SLC9B1: variants seen among roughly 807,000 people sequenced by gnomAD.
SLC9B1 encodes solute carrier family 9 member B1.
In SLC9B1, 32 loss-of-function variants were observed where a neutral mutation model predicts 51.7. That is an observed-to-expected ratio of 0.62 (90% CI 0.47 to 0.83). The LOEUF is 0.83. Among genes scored for constraint, SLC9B1 ranks in the 40% least tolerant of loss-of-function variants. The probability of loss-of-function intolerance (pLI) is 0.00; values close to 1 mark genes in which losing one functional copy is unlikely to be tolerated. For missense variants in SLC9B1, 406 were observed against 613.2 expected (o/e 0.66, Z 3.57); for synonymous variants, 145 against 212.7 (o/e 0.68, Z 2.77).
chr4:102,981,051 C>T (rs1739327972), intron 3 of SLC9B1, among the ~76,000 whole-genome samples: 1 of 152,092 alleles, frequency 6.6e-6, no homozygotes, highest in African/African-American at 2.4e-5. Flanking sequence ...TTACTGTGTC[C>T]ATAGTTTTGC....
At chr4:102,951,499 A>G (rs1360701038) in intron 3 of SLC9B1, among the ~76,000 whole-genome samples, 1 of 152,136 alleles carries the variant, frequency 6.6e-6, no homozygotes, top group Non-Finnish European at 1.5e-5. Context: ...AATTTTTAAA[A>G]ATTGGAGACA....
chr4:102,907,676 T>C (rs1286785606), intron 9 of SLC9B1, among the ~76,000 whole-genome samples: 2 of 151,874 alleles, frequency 1.3e-5, no homozygotes, highest in Non-Finnish European at 1.5e-5. Flanking sequence ...AGTCTGGGTT[T>C]AACATTTTTT....
intron 1 of SLC9B1, among the ~76,000 whole-genome samples, chr4:102,993,100 C>A (rs772974526): frequency 6.6e-6 from 1 of 152,128 alleles, no homozygotes; most frequent in Non-Finnish European, 1.5e-5. Flanking sequence ...CGGCCCCTCC[C>A]AAATCTCATG....
Position 102,991,749 on chromosome 4 carries a change from CAA to C in SLC9B1, c.-1-39_-1-38del, listed in dbSNP as rs985525132. On this transcript the variant is annotated intron_variant, in intron 1 of 11. Transcript: ENST00000296422. Reference sequence around the variant, plus strand: ...AAGAAAAATACTTTAAAAGAAGAAACAAGACTATAAATCCATATGAAAACAAA... The same window carrying C: ...AAGAAAAATACTTTAAAAGAAGAAACGACTATAAATCCATATGAAAACAAA... The C allele has an allele frequency of 7.1e-6, 10 of 1,402,278 alleles. No homozygotes were observed. In the African/African-American group the frequency reaches 1.5e-4, roughly 20 times the overall value. 86.9% of individuals were successfully genotyped at this position (1,402,278 alleles called of 1,614,324 possible). A position where few individuals can be genotyped will look rare whatever the true frequency, so the allele number is the denominator to read the frequency against.
intron 1 of SLC9B1, among the ~76,000 whole-genome samples, chr4:103,006,124 T>C (rs1318470625): frequency 2.6e-5 from 4 of 151,900 alleles, no homozygotes; most frequent in African/African-American, 4.8e-5. Context: ...AATTGGGACA[T>C]GACAAGCAAT....
chr4:103,012,004 C>T lies in SLC9B1; in HGVS notation c.-2+7595G>A, dbSNP rs537433397. ...TACTAATCTGCTTATCAAACATGCA[C>T]TTGGCCATATTCTTGGTATTCTCTC... On this transcript the variant is annotated intron_variant, in intron 1 of 11. Transcript: ENST00000296422. 2.0e-5 allele frequency among the ~76,000 whole-genome samples: 3 copies of T among 152,358 alleles called. No individual in the cohort carries two copies. In the East Asian group the frequency reaches 5.8e-4, roughly 29 times the overall value.
Position 102,905,259 on chromosome 4 carries a change from C to T in SLC9B1, c.1332+255G>A, listed in dbSNP as rs112190299. Among the ~76,000 whole-genome samples, 475 of 103,568 alleles carry T rather than the reference C, an allele frequency of 4.6e-3. 5 individuals carry two copies. Among genetic ancestry groups the T allele is most frequent in the Middle Eastern group, 0.025 (5 of 200 alleles). 67.9% of individuals were successfully genotyped at this position (103,568 alleles called of 152,430 possible). A position where few individuals can be genotyped will look rare whatever the true frequency, so the allele number is the denominator to read the frequency against. The stretch of plus-strand genomic sequence containing the variant: ...TTTTTTTGAGATGGAGTCACTCTGT[C>T]GCCCAGACTGGAATACAGTGGTGCC... On this transcript the variant is annotated intron_variant, in intron 11 of 11. Coordinates refer to ENST00000296422, the MANE Select transcript of SLC9B1 (RefSeq NM_139173.4).
chr4:102,903,646 TAAGAA>T (rs1486402888), intron 11 of SLC9B1, among the ~76,000 whole-genome samples: 1 of 152,260 alleles, frequency 6.6e-6, no homozygotes, highest in Non-Finnish European at 1.5e-5. Context: ...GAATAACAAC[TAAGAA>T]AAGAGCCACA....
chr4:102,996,966 A>T (rs28548054), intron 1 of SLC9B1, among the ~76,000 whole-genome samples: 86,568 of 150,266 alleles, frequency 0.58, 26,095 homozygotes, highest in African/African-American at 0.78. Context: ...TTTTTTTTTT[A>T]AATTTTTAGT....
rs534694186 is a variant in SLC9B1, at chr4:102,922,828, C to T, written c.829+9296G>A. On this transcript the variant is annotated intron_variant, in intron 7 of 11. Coordinates refer to ENST00000296422, the MANE Select transcript of SLC9B1 (RefSeq NM_139173.4). ...TAGAAGAAATGGATAAATTCTGGGA[C>T]ACATACACCCTTCCAAGACTAAACC... 1.8e-4 allele frequency among the ~76,000 whole-genome samples: 28 copies of T among 152,242 alleles called. No individual in the cohort carries two copies. In the East Asian group the frequency reaches 3.5e-3, roughly 19 times the overall value.
rs1449530339 is a variant in SLC9B1 at position 102,906,545 on chromosome 4, T to G, written c.1186A>C (p.Asn396His). ...AEVSVSSLES[N>H]IVGISVATLS... ...CTCTAATTATTCTTACCAACAATAT[T>G]TGATTCAAGCGATGAAACAGATACT... Residue 396 changes from asparagine (N) to histidine (H), a missense_variant, in exon 10 of 12, where the codon AAT becomes CAT. Physicochemically the swap from Asn to His is moderately conservative, Grantham distance 68. Around this residue, in one of 6 missense-constraint regions of SLC9B1, gnomAD observed 250 missense variants for 394.1 expected, o/e 0.63. Transcript: ENST00000296422. The G allele has an allele frequency of 1.3e-6, 2 of 1,526,110 alleles. No homozygotes were observed. The highest frequency in any genetic ancestry group is 2.4e-5 in the South Asian group (2 of 84,758). The allele number at this position is 1,526,110 out of a possible 1,614,324, so 94.5% of individuals were successfully genotyped here.
intron 7 of SLC9B1, among the ~76,000 whole-genome samples, chr4:102,924,231 A>G (rs1002089481): frequency 1.3e-5 from 2 of 152,232 alleles, no homozygotes; most frequent in Non-Finnish European, 2.9e-5. Context: ...GGAACAGAAT[A>G]GAGCCCTCAG....
chr4:102,920,083 G>C (rs940628554), intron 7 of SLC9B1, among the ~76,000 whole-genome samples: 2 of 152,236 alleles, frequency 1.3e-5, no homozygotes, highest in African/African-American at 4.8e-5. Flanking sequence ...TCTGAGAATG[G>C]ACAGACTGCC....
chr4:102,978,858 A>C (rs750850083), intron 3 of SLC9B1, among the ~76,000 whole-genome samples: 6 of 152,230 alleles, frequency 3.9e-5, no homozygotes, highest in Non-Finnish European at 7.3e-5. Flanking sequence ...TTTTAGGATA[A>C]TACTACAAAA....
At chr4:102,895,230 T>C (rs1398167708) in intron 11 of SLC9B1, among the ~76,000 whole-genome samples, 1 of 152,060 alleles carries the variant, frequency 6.6e-6, no homozygotes, top group African/African-American at 2.4e-5. Flanking sequence ...AAAATTAATA[T>C]ATGAAAATAA....
chr4:102,966,966 T>C (rs534413711), intron 3 of SLC9B1, among the ~76,000 whole-genome samples: 1 of 152,338 alleles, frequency 6.6e-6, no homozygotes, highest in East Asian at 1.9e-4. Context: ...AGTTCATCAC[T>C]CTTAAGTTTG....
At position 102,982,338 on chromosome 4, in the gene SLC9B1, C is replaced by T. The variant is rs549940267; in HGVS notation, c.211+7462G>A. Among the ~76,000 whole-genome samples the T allele has an allele frequency of 1.7e-3, 262 of 152,146 alleles. 1 individual carries two copies. Among genetic ancestry groups the T allele is most frequent in the African/African-American group, 6.1e-3 (253 of 41,534 alleles). On this transcript the variant is annotated intron_variant, in intron 3 of 11. Coordinates refer to ENST00000296422, the MANE Select transcript of SLC9B1 (RefSeq NM_139173.4). ...AGTAAGTCTTGAAGTTGGGTAATGT[C>T]AGTTCTCTGATTTTGTTTCTCTCTT...
chr4:102,993,241 C>T (rs1330358673), intron 1 of SLC9B1, among the ~76,000 whole-genome samples: 1 of 152,172 alleles, frequency 6.6e-6, no homozygotes, highest in Non-Finnish European at 1.5e-5. Context: ...GCCTATGAGC[C>T]TATAAAATCG....
chr4:102,893,782 G>A (rs1262885108), intron 11 of SLC9B1, among the ~76,000 whole-genome samples: 1 of 151,944 alleles, frequency 6.6e-6, no homozygotes, highest in Admixed American at 6.6e-5. Context: ...AAATTAGCCT[G>A]GCATGGTGGT....
Sources: gnomAD v4.1 joint callset for allele counts (sites outside exome capture counted in the v4.1 genomes callset) on GRCh38, gnomAD v4.1.1 for gene constraint, gnomAD v4.1.1 regional missense constraint, MANE v1.5 for transcripts, NCBI Gene and HGNC (gene_info 2026-07-23, HGNC 2026-07-21) for gene names.